PDZD2: variants seen among roughly 807,000 people sequenced by gnomAD.
The protein encoded by PDZD2 is PDZ domain-containing protein 2.
PDZD2 carries 90 observed loss-of-function variants against 220.7 expected under a neutral mutation model. The ratio of observed to expected loss-of-function variants is 0.41; its 90% CI spans 0.34 to 0.49. The LOEUF (loss-of-function observed/expected upper bound fraction) is 0.49, where lower values mean the gene tolerates loss of function less well. PDZD2 is among the 20% of genes least tolerant of loss of function. The probability of loss-of-function intolerance (pLI) is 0.28; values close to 1 mark genes in which losing one functional copy is unlikely to be tolerated. For synonymous variants in PDZD2, 1,375 were observed against 1,450.5 expected (o/e 0.95, Z 1.18); for missense variants, 3,174 against 3,608.5 (o/e 0.88, Z 3.08).
chr5:32,088,779 C>G lies in PDZD2; in HGVS notation c.5331C>G (p.Ile1777Met). 6.2e-7 allele frequency: 1 copy of G among 1,614,006 alleles called. No individual in the cohort carries two copies. Among genetic ancestry groups the G allele is most frequent in the Non-Finnish European group, 8.5e-7 (1 of 1,179,900 alleles). ...NGESVLENLH[I>M]SESQDLDDLL... Reference sequence around the variant, plus strand: ...AATCTGTTTTGGAAAACCTCCACATCTCTGAAAGTCAAGACCTGGATGACT... The same window carrying G: ...AATCTGTTTTGGAAAACCTCCACATGTCTGAAAGTCAAGACCTGGATGACT... The change falls in exon 20 of 25, where the codon ATC becomes ATG. Residue 1777 changes from isoleucine (I) to methionine (M), a missense_variant. By Grantham distance (10) the Ile-to-Met change is conservative (BLOSUM62 1). Transcript: ENST00000438447. This position sits in a 1 kb window ranked among gnomAD's most constrained non-coding sequence, Gnocchi z 4.6.
intron 2 of PDZD2, among the ~76,000 whole-genome samples, chr5:31,939,211 A>G (rs899157959): frequency 3.9e-5 from 6 of 152,158 alleles, no homozygotes; most frequent in Non-Finnish European, 8.8e-5. Context: ...TTAATCTACC[A>G]TGGGAGCTGG....
intron 1 of PDZD2, among the ~76,000 whole-genome samples, chr5:31,677,987 T>C (rs910957388): frequency 6.6e-6 from 1 of 152,134 alleles, no homozygotes; most frequent in Non-Finnish European, 1.5e-5. Flanking sequence ...TAATGATGGT[T>C]TTATATATAA....
chr5:31,741,764 C>T (rs148979506), intron 1 of PDZD2: 1 of 152,262 alleles, frequency 6.6e-6, no homozygotes, highest in African/African-American at 2.4e-5. Context: ...CCCCAACCCC[C>T]CCGTGCATAC....
In PDZD2 at chr5:31,862,989, G is replaced by A. The variant is rs114045363; in HGVS notation, c.476+63265G>A. Among the ~76,000 whole-genome samples, 730 of 152,068 alleles carry A rather than the reference G, an allele frequency of 4.8e-3. 5 individuals are homozygous for A. Among genetic ancestry groups the A allele is most frequent in the African/African-American group, 0.017 (694 of 41,520 alleles). The stretch of plus-strand genomic sequence containing the variant: ...TGATCTGCCTGCCTCGGCCTCCCAA[G>A]GCGTGGCAATCCCACGCCTGCTGGG... On this transcript the variant is annotated intron_variant, in intron 2 of 24. Transcript: ENST00000438447.
chr5:31,689,887 GT>G (rs1278912837), intron 1 of PDZD2, among the ~76,000 whole-genome samples: 1 of 152,128 alleles, frequency 6.6e-6, no homozygotes, highest in Non-Finnish European at 1.5e-5. Flanking sequence ...GGGTCTCTGG[GT>G]GGGGTCTTGG....
chr5:31,791,627 A>AAAAGCACCT (rs147988845), intron 1 of PDZD2, among the ~76,000 whole-genome samples: 9,404 of 150,610 alleles, frequency 0.062, 1,012 homozygotes, highest in East Asian at 0.51. Flanking sequence ...TTAAAAAAGA[A>AAAAGCACCT]AAAGCACCTA....
At chr5:31,955,490 G>C (rs188070839) in intron 2 of PDZD2, among the ~76,000 whole-genome samples, 2 of 151,774 alleles carry the variant, frequency 1.3e-5, no homozygotes, top group Admixed American at 1.3e-4. Context: ...TAGTAGAGAC[G>C]GGGTTTTACC....
intron 19 of PDZD2, among the ~76,000 whole-genome samples, chr5:32,085,174 C>CAA (rs1450558651): frequency 6.6e-6 from 1 of 151,434 alleles, no homozygotes; most frequent in African/African-American, 2.4e-5. Flanking sequence ...AAGCTGGTCT[C>CAA]AAACTCCTGA....
chr5:32,039,784 C>T (rs1484882373), intron 7 of PDZD2, among the ~76,000 whole-genome samples: 3 of 149,956 alleles, frequency 2.0e-5, no homozygotes, highest in South Asian at 4.2e-4. Flanking sequence ...GCGTCTCTGC[C>T]GGACTGCCCA....
At chr5:31,994,898 G>A (rs912151611) in intron 3 of PDZD2, among the ~76,000 whole-genome samples, 1 of 152,160 alleles carries the variant, frequency 6.6e-6, no homozygotes, top group Non-Finnish European at 1.5e-5. Flanking sequence ...TTGCACAAAT[G>A]TCTCATTTAA....
intron 1 of PDZD2, among the ~76,000 whole-genome samples, chr5:31,653,652 T>A (rs1745435362): frequency 6.6e-6 from 1 of 152,242 alleles, no homozygotes; most frequent in South Asian, 2.1e-4. Context: ...TACACACTGA[T>A]CATTTTAGAT....
At chr5:32,069,226 G>A (rs915078906) in intron 14 of PDZD2, among the ~76,000 whole-genome samples, 2 of 146,828 alleles carry the variant, frequency 1.4e-5, no homozygotes, top group East Asian at 2.0e-4. Context: ...AGATCAAGAC[G>A]CTGCACTCCA....
intron 2 of PDZD2, among the ~76,000 whole-genome samples, chr5:31,954,284 G>A (rs762999203): frequency 2.0e-5 from 3 of 152,106 alleles, no homozygotes; most frequent in Non-Finnish European, 4.4e-5. Flanking sequence ...CGTTCTTGCC[G>A]TAGTACATAA....
At chr5:32,082,031 T>G (rs1231601004) in intron 19 of PDZD2, among the ~76,000 whole-genome samples, 1 of 149,662 alleles carries the variant, frequency 6.7e-6, no homozygotes, top group African/African-American at 2.5e-5. Flanking sequence ...CTTTGTTTTT[T>G]TTTTTTTTGA....
At chr5:31,857,684 T>C (rs1758576355) in intron 2 of PDZD2, among the ~76,000 whole-genome samples, 1 of 152,232 alleles carries the variant, frequency 6.6e-6, no homozygotes, top group African/African-American at 2.4e-5. Context: ...TCTGTTGTCA[T>C]GAAGTTTCAT....
At chr5:31,816,137 A>C (rs1192213241) in intron 2 of PDZD2, among the ~76,000 whole-genome samples, 2 of 151,942 alleles carry the variant, frequency 1.3e-5, no homozygotes, top group African/African-American at 4.8e-5. Flanking sequence ...AAATACAAAA[A>C]ATTAGCTGGG....
intron 2 of PDZD2, among the ~76,000 whole-genome samples, chr5:31,873,534 T>TTTATTTAC (rs1168214122): frequency 8.9e-4 from 51 of 57,402 alleles, no homozygotes; most frequent in African/African-American, 3.8e-3. Context: ...GAAAATTCTT[T>TTTATTTAC]TTATTTATTT....
At chr5:31,662,121 G>C (rs1345119043) in intron 1 of PDZD2, among the ~76,000 whole-genome samples, 1 of 152,000 alleles carries the variant, frequency 6.6e-6, no homozygotes, top group Non-Finnish European at 1.5e-5. Context: ...GACCAGCCTG[G>C]CCAACATGGT....
chr5:31,777,354 G>A (rs1018071363), intron 1 of PDZD2, among the ~76,000 whole-genome samples: 2 of 152,192 alleles, frequency 1.3e-5, no homozygotes, highest in Middle Eastern at 3.2e-3. Context: ...GCAGGGCTCC[G>A]AACCTGCAGC....
Sources: gnomAD v4.1 joint callset for allele counts (sites outside exome capture counted in the v4.1 genomes callset) on GRCh38, gnomAD v4.1.1 for gene constraint, Gnocchi (gnomAD v3.1) non-coding constraint, MANE v1.5 for transcripts, NCBI Gene and HGNC (gene_info 2026-07-23, HGNC 2026-07-21) for gene names.